Variants in ERCC6L2 observed in about 807,000 individuals in gnomAD.
The protein encoded by ERCC6L2 is ERCC excision repair 6 like 2.
Under a neutral mutation model 132.0 loss-of-function variants are expected in ERCC6L2, and 77 were observed. The observed-to-expected ratio is 0.58, with a 90% CI of 0.49 to 0.71. The LOEUF is 0.71. ERCC6L2 is among the 30% of genes least tolerant of loss of function. The pLI is 0.00. For missense variants in ERCC6L2, 1,542 were observed against 1,837.6 expected, an observed-to-expected ratio of 0.84 and a Z score of 2.94; for synonymous variants, 583 against 632.4, an observed-to-expected ratio of 0.92 and a Z score of 1.17.
At chr9:95,933,536 AT>A (rs1277060880) in intron 11 of ERCC6L2, among the ~76,000 whole-genome samples, 3 of 152,126 alleles carry the variant, frequency 2.0e-5, no homozygotes, top group Non-Finnish European at 2.9e-5. Flanking sequence ...AAATCAGGAT[AT>A]TTTGCTTATA....
chr9:95,948,983 G>A (rs1301718387), intron 12 of ERCC6L2, among the ~76,000 whole-genome samples: 1 of 151,642 alleles, frequency 6.6e-6, no homozygotes, highest in Non-Finnish European at 1.5e-5. Flanking sequence ...AACTAGTGAG[G>A]AAAAGGATAT....
chr9:95,944,443 A>G (rs1215067602), intron 12 of ERCC6L2, among the ~76,000 whole-genome samples: 1 of 152,200 alleles, frequency 6.6e-6, no homozygotes, highest in Non-Finnish European at 1.5e-5. Flanking sequence ...AGCAATGGAT[A>G]GTGGTGATGG....
chr9:96,000,549 G>A (rs1276192477), intron 17 of ERCC6L2, among the ~76,000 whole-genome samples: 2 of 152,144 alleles, frequency 1.3e-5, no homozygotes, highest in Non-Finnish European at 2.9e-5. Context: ...TGGCAGGAAC[G>A]TAATAGGTGC....
At chr9:95,884,106 A>G (rs1827740218) in intron 2 of ERCC6L2, among the ~76,000 whole-genome samples, 1 of 152,216 alleles carries the variant, frequency 6.6e-6, no homozygotes, top group South Asian at 2.1e-4. Flanking sequence ...CACTGTAATC[A>G]TTGAAGGACT....
Position 96,015,777 on chromosome 9 carries a change from T to C in ERCC6L2, c.*2574T>C, listed in dbSNP as rs1489437582. On this transcript the variant is annotated 3_prime_UTR_variant, in exon 19 of 19. Transcript: ENST00000653738. ...AGGATTGTGCCCCTGCACCCCAGCCTGGGTGACAGAGCAAGACTCCATCTC... is the reference window on the plus strand; with the variant it reads ...AGGATTGTGCCCCTGCACCCCAGCCCGGGTGACAGAGCAAGACTCCATCTC... Among the ~76,000 whole-genome samples, 1 of 152,114 alleles carries C rather than the reference T, an allele frequency of 6.6e-6. No homozygotes were observed. The highest frequency in any genetic ancestry group is 1.5e-5 in the Non-Finnish European group (1 of 68,028).
intron 9 of ERCC6L2, among the ~76,000 whole-genome samples, chr9:95,927,303 A>G (rs1230558907): frequency 6.6e-6 from 1 of 152,162 alleles, no homozygotes; most frequent in East Asian, 1.9e-4. Flanking sequence ...GTTTATCATT[A>G]AATAAATTGT....
intron 12 of ERCC6L2, among the ~76,000 whole-genome samples, chr9:95,945,678 C>G (rs1156357643): frequency 6.6e-6 from 1 of 152,172 alleles, no homozygotes; most frequent in Non-Finnish European, 1.5e-5. Context: ...TGTTCTTCTG[C>G]CATGGCTTCA....
intron 16 of ERCC6L2, among the ~76,000 whole-genome samples, chr9:95,974,747 T>TGC (rs1832589092): frequency 1.3e-5 from 2 of 151,846 alleles, no homozygotes; most frequent in Admixed American, 1.3e-4. Context: ...TGTGTGTGTG[T>TGC]ATTTTATATT....
intron 18 of ERCC6L2, among the ~76,000 whole-genome samples, chr9:96,008,665 G>A (rs1833936449): frequency 1.3e-5 from 2 of 152,302 alleles, no homozygotes; most frequent in South Asian, 2.1e-4. Context: ...TTCAGAAAAG[G>A]TTGTGATGAG....
At position 96,017,229 on chromosome 9, in the gene ERCC6L2, CTG is replaced by C. The variant is rs760870481; in HGVS notation, c.*4029_*4030del. Among the ~76,000 whole-genome samples the C allele has an allele frequency of 4.6e-5, 7 of 152,148 alleles. No homozygotes were observed. The highest frequency in any genetic ancestry group is 1.0e-4 in the Non-Finnish European group (7 of 68,012). The stretch of plus-strand genomic sequence containing the variant: ...TCCTCTTGGTGACAGCCCCTGTACA[CTG>C]TGGCATGTACGGCTGGCTCCACTTG... On this transcript the variant is annotated 3_prime_UTR_variant, in exon 19 of 19. Transcript: ENST00000653738.
At chr9:95,919,462 T>A (rs1483102383) in intron 6 of ERCC6L2, among the ~76,000 whole-genome samples, 1 of 152,092 alleles carries the variant, frequency 6.6e-6, no homozygotes, top group Non-Finnish European at 1.5e-5. Context: ...CAGAACCCCA[T>A]GAGTTCAACA....
At chr9:95,936,798 C>T (rs1830574538) in intron 11 of ERCC6L2, among the ~76,000 whole-genome samples, 1 of 152,102 alleles carries the variant, frequency 6.6e-6, no homozygotes, top group Non-Finnish European at 1.5e-5. Flanking sequence ...TCCCTGAGCC[C>T]TGGAAACCAC....
chr9:96,024,764 G>T (rs991116947), intron 19 of ERCC6L2, among the ~76,000 whole-genome samples: 1 of 152,106 alleles, frequency 6.6e-6, no homozygotes, highest in Non-Finnish European at 1.5e-5. Context: ...TTCCCGTTGG[G>T]TTATCCTTGG....
intron 13 of ERCC6L2, among the ~76,000 whole-genome samples, chr9:95,958,545 AT>A (rs1441229740): frequency 6.6e-6 from 1 of 152,100 alleles, no homozygotes; most frequent in African/African-American, 2.4e-5. Flanking sequence ...AATGATTGCC[AT>A]TCTAACTGGT....
Position 95,881,305 on chromosome 9 carries a change from T to C in ERCC6L2, c.471+12T>C, listed in dbSNP as rs527335445. The C allele has an allele frequency of 2.6e-6, 4 of 1,534,042 alleles. No homozygotes were observed. The highest frequency in any genetic ancestry group is 2.3e-5 in the East Asian group (1 of 44,328). ...GAAAAACAGTACAGGTATTTAATTA[T>C]GTTATAACAGTAAAGTCACTTTACT... On this transcript the variant is annotated intron_variant, in intron 2 of 18. Coordinates refer to ENST00000653738, the MANE Select transcript of ERCC6L2 (RefSeq NM_020207.7).
intron 17 of ERCC6L2, among the ~76,000 whole-genome samples, chr9:95,982,084 C>G (rs1489827593): frequency 6.6e-6 from 1 of 152,170 alleles, no homozygotes; most frequent in Non-Finnish European, 1.5e-5. Flanking sequence ...ACTTGGCACT[C>G]TTGCAAGTGT....
At chr9:96,024,430 G>A (rs1183083581) in intron 19 of ERCC6L2, among the ~76,000 whole-genome samples, 1 of 152,210 alleles carries the variant, frequency 6.6e-6, no homozygotes, top group Non-Finnish European at 1.5e-5. Flanking sequence ...GTGGCCCACG[G>A]CATCCATAGC....
chr9:95,951,296 G>C (rs552222566), intron 12 of ERCC6L2, among the ~76,000 whole-genome samples: 1 of 152,180 alleles, frequency 6.6e-6, no homozygotes, highest in African/African-American at 2.4e-5. Context: ...CAACTTACAG[G>C]ATGCAGCAAA....
chr9:95,880,749 T>C (rs1044313713), intron 1 of ERCC6L2, 120 bp from the exon 2 acceptor site: 26 of 748,772 alleles, frequency 3.5e-5, no homozygotes, highest in African/African-American at 5.3e-5. Flanking sequence ...GAATTTATCT[T>C]GTTCCAGTTT....
Sources: allele counts gnomAD v4.1 joint callset (sites outside exome capture counted in the v4.1 genomes callset), GRCh38; gene constraint gnomAD v4.1.1; transcripts MANE v1.5; gene names NCBI Gene and HGNC (gene_info 2026-07-23, HGNC 2026-07-21).